The following CAMTA1 variants were observed in gnomAD, a reference collection of about 807,000 sequenced individuals.
The protein encoded by CAMTA1 is calmodulin-binding transcription activator 1.
Under a neutral mutation model 170.9 loss-of-function variants are expected in CAMTA1, and 27 were observed. That is an observed-to-expected ratio of 0.16 (90% CI 0.12 to 0.22). The LOEUF (loss-of-function observed/expected upper bound fraction) is 0.22. CAMTA1 is among the 10% of genes least tolerant of loss of function. The pLI is 1.00. For missense variants in CAMTA1, 1,619 were observed against 2,217.2 expected, an observed-to-expected ratio of 0.73 and a Z score of 5.42; for synonymous variants, 833 against 891.5, an observed-to-expected ratio of 0.93 and a Z score of 1.17.
chr1:7,281,608 G>A (rs1028521649), intron 5 of CAMTA1, among the ~76,000 whole-genome samples: 1 of 152,208 alleles, frequency 6.6e-6, no homozygotes, highest in Admixed American at 6.5e-5. Flanking sequence ...AATGCAGACT[G>A]TGAGTATCAA....
At chr1:7,548,001 G>C (rs2094723107) in intron 6 of CAMTA1, among the ~76,000 whole-genome samples, 1 of 152,198 alleles carries the variant, frequency 6.6e-6, no homozygotes, top group South Asian at 2.1e-4. Context: ...TGAACAGAGG[G>C]ACAGGAAGGG....
chr1:6,992,995 C>T (rs1468266544), intron 3 of CAMTA1, among the ~76,000 whole-genome samples: 1 of 152,204 alleles, frequency 6.6e-6, no homozygotes, highest in Non-Finnish European at 1.5e-5. Flanking sequence ...TTTCTTTTCC[C>T]CATTGGATTG....
At chr1:7,327,414 A>G (rs2082753172) in intron 5 of CAMTA1, among the ~76,000 whole-genome samples, 1 of 151,596 alleles carries the variant, frequency 6.6e-6, no homozygotes. Context: ...CTCAAAAAAA[A>G]AAAAAAAAAA....
chr1:7,155,699 G>C, intron 4 of CAMTA1, among the ~76,000 whole-genome samples: 1 of 152,044 alleles, frequency 6.6e-6, no homozygotes, highest in East Asian at 2.0e-4. Flanking sequence ...CCAAAGTGCT[G>C]GGATTACTGG....
At chr1:7,536,927 C>T (rs1485725539) in intron 6 of CAMTA1, among the ~76,000 whole-genome samples, 2 of 152,156 alleles carry the variant, frequency 1.3e-5, no homozygotes, top group African/African-American at 4.8e-5. Context: ...CTCTCGTCCC[C>T]CTCCCTGCCC....
At chr1:7,128,021 G>A (rs971180400) in intron 4 of CAMTA1, among the ~76,000 whole-genome samples, 3 of 152,234 alleles carry the variant, frequency 2.0e-5, no homozygotes, top group African/African-American at 7.2e-5. Flanking sequence ...CTTGGGGTGT[G>A]GAATTTTGGT....
chr1:7,408,881 C>G (rs1336224422), intron 5 of CAMTA1, among the ~76,000 whole-genome samples: 1 of 152,228 alleles, frequency 6.6e-6, no homozygotes, highest in East Asian at 1.9e-4. Context: ...ACTCACACAC[C>G]TTCCTTTGCC....
intron 11 of CAMTA1, among the ~76,000 whole-genome samples, chr1:7,720,129 G>C (rs1428999890): frequency 6.6e-6 from 1 of 152,230 alleles, no homozygotes; most frequent in Admixed American, 6.5e-5. Flanking sequence ...TTCATTAGCT[G>C]ATGTGCAGGC....
intron 5 of CAMTA1, among the ~76,000 whole-genome samples, chr1:7,409,465 G>A (rs2090546663): frequency 6.6e-6 from 1 of 152,180 alleles, no homozygotes; most frequent in Non-Finnish European, 1.5e-5. Context: ...CTGGCCAGTG[G>A]GAAATGAGAC....
In CAMTA1 at chr1:7,349,698, G is replaced by C. The variant is rs997006386; in HGVS notation, c.438+100072G>C. 2.0e-5 allele frequency among the ~76,000 whole-genome samples: 3 copies of C among 152,178 alleles called. 1 individual carries two copies. The highest frequency in any genetic ancestry group is 7.2e-5 in the African/African-American group (3 of 41,450). On this transcript the variant is annotated intron_variant, in intron 5 of 22. Coordinates refer to ENST00000303635, the MANE Select transcript of CAMTA1 (RefSeq NM_015215.4). ...TTATATAAGGTGACCGGTCAGACTG[G>C]ATCAGGGCCTGCCCTCCTGACCTCA...
At chr1:7,209,222 C>T (rs28647961) in intron 4 of CAMTA1, among the ~76,000 whole-genome samples, 13,379 of 152,190 alleles carry the variant, frequency 0.088, 1,751 homozygotes, top group African/African-American at 0.29. Flanking sequence ...TTTCAACCTG[C>T]CGCTGGTGTG....
chr1:7,233,453 T>C (rs914823960), intron 4 of CAMTA1, among the ~76,000 whole-genome samples: 16 of 152,226 alleles, frequency 1.1e-4, no homozygotes, highest in Non-Finnish European at 5.9e-5. Context: ...AGACAGGTGA[T>C]GCCATTAATT....
chr1:6,786,320 C>T (rs1639343596), intron 1 of CAMTA1, among the ~76,000 whole-genome samples: 1 of 152,108 alleles, frequency 6.6e-6, no homozygotes, highest in Non-Finnish European at 1.5e-5. Flanking sequence ...ACATCCTACT[C>T]TTGCCCTTGC....
At chr1:7,524,180 C>T (rs937963813) in intron 6 of CAMTA1, among the ~76,000 whole-genome samples, 6 of 152,128 alleles carry the variant, frequency 3.9e-5, no homozygotes, top group South Asian at 2.1e-4. Flanking sequence ...CCAGCCTGGG[C>T]GACAGAGTGC....
intron 2 of CAMTA1, among the ~76,000 whole-genome samples, chr1:6,821,750 A>G (rs1449864773): frequency 6.6e-6 from 1 of 152,184 alleles, no homozygotes; most frequent in Non-Finnish European, 1.5e-5. Flanking sequence ...TTTTCGAAGG[A>G]AAAGGTCAAA....
intron 5 of CAMTA1, among the ~76,000 whole-genome samples, chr1:7,334,391 T>C (rs1250914678): frequency 1.3e-5 from 2 of 152,240 alleles, no homozygotes; most frequent in Admixed American, 6.5e-5. Flanking sequence ...AAACCCCTCT[T>C]GGATCTTGGG....
chr1:7,191,800 G>C (rs868507433), intron 4 of CAMTA1, among the ~76,000 whole-genome samples: 1 of 152,196 alleles, frequency 6.6e-6, no homozygotes, highest in Non-Finnish European at 1.5e-5. Flanking sequence ...CCAGGAATAA[G>C]CTTCCTGAGG....
chr1:7,274,642 T>C (rs373881572), intron 5 of CAMTA1, among the ~76,000 whole-genome samples: 19 of 152,198 alleles, frequency 1.2e-4, no homozygotes, highest in African/African-American at 4.6e-4. Flanking sequence ...ATACATTCTT[T>C]TCTTACACAT....
intron 3 of CAMTA1, among the ~76,000 whole-genome samples, chr1:7,023,670 C>G (rs1018857346): frequency 2.0e-5 from 3 of 151,968 alleles, no homozygotes; most frequent in African/African-American, 7.2e-5. Flanking sequence ...GAAAACAAAA[C>G]AAGATGCCAA....
Sources: allele counts gnomAD v4.1 joint callset (sites outside exome capture counted in the v4.1 genomes callset), GRCh38; gene constraint gnomAD v4.1.1; transcripts MANE v1.5; gene names NCBI Gene and HGNC (gene_info 2026-07-23, HGNC 2026-07-21).